The following RIN3 variants were observed in gnomAD, a reference collection of about 807,000 sequenced individuals.
The protein encoded by RIN3 is RAB5 interacting protein 3.
RIN3 carries 54 observed loss-of-function variants against 76.3 expected under a neutral mutation model. The ratio of observed to expected loss-of-function variants is 0.71; its 90% CI spans 0.57 to 0.89. The LOEUF (loss-of-function observed/expected upper bound fraction) is 0.89, where lower values mean the gene tolerates loss of function less well. Ranked by LOEUF, RIN3 falls within the 40% of genes least tolerant of loss-of-function variation. The pLI is 0.00. For synonymous variants in RIN3, 576 were observed against 564.0 expected (o/e 1.02, Z -0.30); for missense variants, 1,256 against 1,322.1 (o/e 0.95, Z 0.78).
chr14:92,666,379 C>A (rs1888106384), intron 7 of RIN3, among the ~76,000 whole-genome samples: 3 of 152,208 alleles, frequency 2.0e-5, no homozygotes, highest in Non-Finnish European at 4.4e-5. Flanking sequence ...AGGATTAAAC[C>A]TAGTATCAGC....
At chr14:92,638,541 GCA>G (rs1886861934) in intron 4 of RIN3, among the ~76,000 whole-genome samples, 1 of 152,214 alleles carries the variant, frequency 6.6e-6, no homozygotes, top group Non-Finnish European at 1.5e-5. Flanking sequence ...GATGAGCTGA[GCA>G]GCCTCTGCTG....
At chr14:92,544,243 G>A (rs1231784692) in intron 1 of RIN3, among the ~76,000 whole-genome samples, 1 of 152,164 alleles carries the variant, frequency 6.6e-6, no homozygotes, top group East Asian at 1.9e-4. Flanking sequence ...ACTATGGAAT[G>A]AGGAGTGGGG....
At chr14:92,642,129 G>T (rs1887040350) in intron 5 of RIN3, among the ~76,000 whole-genome samples, 1 of 151,060 alleles carries the variant, frequency 6.6e-6, no homozygotes, top group Non-Finnish European at 1.5e-5. Context: ...TTTGAAACAG[G>T]GTCTCACTCT....
chr14:92,674,838 G>C (rs1287111202), intron 7 of RIN3, among the ~76,000 whole-genome samples: 2 of 149,340 alleles, frequency 1.3e-5, no homozygotes, highest in Non-Finnish European at 3.0e-5. Flanking sequence ...GCAGTGAGCC[G>C]AGATGGCACC....
At chr14:92,579,929 A>C (rs1898381926) in intron 3 of RIN3, among the ~76,000 whole-genome samples, 1 of 152,266 alleles carries the variant, frequency 6.6e-6, no homozygotes, top group African/African-American at 2.4e-5. Flanking sequence ...AAGAGGAAGA[A>C]GCCTCAGGCT....
chr14:92,576,493 A>C, intron 2 of RIN3: 1 of 1,061,028 alleles, frequency 9.4e-7, no homozygotes, highest in Non-Finnish European at 1.3e-6. Flanking sequence ...AGGACTTGGG[A>C]TCTGCATGCA....
intron 1 of RIN3, among the ~76,000 whole-genome samples, chr14:92,545,724 G>C (rs1186478246): frequency 6.6e-6 from 1 of 151,680 alleles, no homozygotes; most frequent in Non-Finnish European, 1.5e-5. Context: ...TGGGACTACA[G>C]GCATGCAGCA....
At chr14:92,548,656 G>A (rs1048733067) in intron 1 of RIN3, among the ~76,000 whole-genome samples, 1 of 152,020 alleles carries the variant, frequency 6.6e-6, no homozygotes, top group Non-Finnish European at 1.5e-5. Flanking sequence ...CTCTACCTCT[G>A]CCTTCACACG....
chr14:92,521,820 G>A (rs1391778450), intron 1 of RIN3, among the ~76,000 whole-genome samples: 1 of 152,242 alleles, frequency 6.6e-6, no homozygotes, highest in South Asian at 2.1e-4. Flanking sequence ...ACAGGGTACT[G>A]TATAAAAAGC....
In RIN3 at chr14:92,514,018, C is replaced by T. The variant is rs1390968260; in HGVS notation, c.44+42C>T. 1.1e-5 allele frequency: 13 copies of T among 1,198,814 alleles called. No individual in the cohort carries two copies. Among genetic ancestry groups the T allele is most frequent in the African/African-American group, 1.6e-5 (1 of 63,672 alleles). 74.3% of individuals were successfully genotyped at this position (1,198,814 alleles called of 1,614,324 possible). On this transcript the variant is annotated intron_variant, in intron 1 of 9. Transcript: ENST00000216487. The surrounding 1 kb of genome is among the most constrained non-coding windows in gnomAD (Gnocchi z 7.2). ...GCCCCCTCCTCCCTCGCGATCCCCA[C>T]GGCCCGCGTCCTGGCCGCCCCACTC...
At chr14:92,557,176 T>C (rs1566841513) in intron 2 of RIN3, among the ~76,000 whole-genome samples, 1 of 152,244 alleles carries the variant, frequency 6.6e-6, no homozygotes, top group South Asian at 2.1e-4. Context: ...CCAGGCAGTC[T>C]TGCAAGTTCT....
chr14:92,611,535 G>A (rs923433029), intron 3 of RIN3, among the ~76,000 whole-genome samples: 2 of 152,142 alleles, frequency 1.3e-5, no homozygotes, highest in African/African-American at 4.8e-5. Context: ...TTACACGTGT[G>A]AGCCATCGCA....
intron 1 of RIN3, among the ~76,000 whole-genome samples, chr14:92,529,255 T>A (rs1001319849): frequency 1.4e-5 from 2 of 144,916 alleles, no homozygotes; most frequent in Non-Finnish European, 3.0e-5. Context: ...TTTTTTTTCT[T>A]TTTTTTTTTT....
At chr14:92,553,058 G>A (rs1020336388) in intron 1 of RIN3, among the ~76,000 whole-genome samples, 3 of 148,002 alleles carry the variant, frequency 2.0e-5, no homozygotes, top group Non-Finnish European at 3.0e-5. Context: ...ATGGGGATGA[G>A]CCCAGGTCAC....
In RIN3 at chr14:92,625,693, G is replaced by T. The variant is rs573523070; in HGVS notation, c.440+10214G>T. Reference sequence around the variant, plus strand: ...ACCTTGCTCCCCCATACTCTTTAGAGGGCCTGGTAGCTGAGGGTCTGGGTC... The same window carrying T: ...ACCTTGCTCCCCCATACTCTTTAGATGGCCTGGTAGCTGAGGGTCTGGGTC... On this transcript the variant is annotated intron_variant, in intron 4 of 9. Transcript: ENST00000216487. Among the ~76,000 whole-genome samples, 8 of 152,278 alleles carry T rather than the reference G, an allele frequency of 5.3e-5. No individual in the cohort carries two copies. The East Asian group carries it at 1.5e-3, about 29-fold the overall frequency.
intron 1 of RIN3, among the ~76,000 whole-genome samples, chr14:92,552,063 G>A (rs1897442827): frequency 1.3e-5 from 2 of 152,194 alleles, no homozygotes; most frequent in Non-Finnish European, 2.9e-5. Context: ...ATGGAGTGGA[G>A]CCCTTTGTAG....
At chr14:92,570,617 A>G (rs1898038476) in intron 2 of RIN3, among the ~76,000 whole-genome samples, 1 of 151,566 alleles carries the variant, frequency 6.6e-6, no homozygotes, top group South Asian at 2.1e-4. Flanking sequence ...AGCTGAGATC[A>G]CGCCATTGCA....
Position 92,640,099 on chromosome 14 carries a change from C to T in RIN3, c.441-1139C>T, listed in dbSNP as rs368157631. ...GCTGGGAGATGCCTGACTGTGTGTTCGTCGAGGGCTGCCTGACTGCGTTTG... is the reference window on the plus strand; with the variant it reads ...GCTGGGAGATGCCTGACTGTGTGTTTGTCGAGGGCTGCCTGACTGCGTTTG... On this transcript the variant is annotated intron_variant, in intron 4 of 9. Transcript: ENST00000216487. Among the ~76,000 whole-genome samples the T allele has an allele frequency of 6.7e-5, 9 of 133,688 alleles. No individual in the cohort carries two copies. The East Asian group carries it at 1.9e-3, about 28-fold the overall frequency. The allele number at this position is 133,688 out of a possible 152,430, so 87.7% of individuals were successfully genotyped here. A position where few individuals can be genotyped will look rare whatever the true frequency, so the allele number is the denominator to read the frequency against.
intron 3 of RIN3, among the ~76,000 whole-genome samples, chr14:92,596,949 T>C (rs1434810763): frequency 1.3e-5 from 2 of 152,212 alleles, no homozygotes; most frequent in East Asian, 1.9e-4. Flanking sequence ...AAGTACCTTA[T>C]GGAAACTGGC....
Sources: allele counts gnomAD v4.1 joint callset (sites outside exome capture counted in the v4.1 genomes callset), GRCh38; gene constraint gnomAD v4.1.1; non-coding constraint Gnocchi (gnomAD v3.1); transcripts MANE v1.5; gene names NCBI Gene and HGNC (gene_info 2026-07-23, HGNC 2026-07-21).